Variants in TENM3 observed in about 807,000 individuals in gnomAD.
TENM3 encodes teneurin-3.
In TENM3, 63 loss-of-function variants were observed where a neutral mutation model predicts 255.1. The observed-to-expected ratio is 0.25, with a 90% CI of 0.20 to 0.30. The LOEUF is 0.30. Ranked by LOEUF, TENM3 falls within the 10% of genes least tolerant of loss-of-function variation. The pLI, the probability that TENM3 is intolerant of heterozygous loss-of-function variation, is 1.00. For missense variants in TENM3, 2,929 were observed against 3,461.1 expected (o/e 0.85, Z 3.86); for synonymous variants, 1,306 against 1,322.3 (o/e 0.99, Z 0.27).
Position 182,564,044 on chromosome 4 carries a change from C to T in TENM3, c.512-36880C>T, listed in dbSNP as rs572688593. The stretch of plus-strand genomic sequence containing the variant: ...TTTTACTAAAACATTGCTTGGATCA[C>T]GTCATCATAAAGACCTTAGGTTGGA... On this transcript the variant is annotated intron_variant, in intron 3 of 27. Transcript: ENST00000511685. Among the ~76,000 whole-genome samples the T allele has an allele frequency of 3.1e-4, 47 of 152,242 alleles. 1 individual carries two copies. The South Asian group carries it at 9.5e-3, about 31-fold the overall frequency.
chr4:181,532,955 T>A, the TENM3 span, among the ~76,000 whole-genome samples: 1 of 152,234 alleles, frequency 6.6e-6, no homozygotes, highest in Non-Finnish European at 1.5e-5. Flanking sequence ...TGTTTAAGAC[T>A]GTGAAATGTT....
At chr4:181,856,353 C>T in the TENM3 span, among the ~76,000 whole-genome samples, 1 of 152,106 alleles carries the variant, frequency 6.6e-6, no homozygotes, top group Admixed American at 6.5e-5. Flanking sequence ...TCGGTATTCC[C>T]CCCGGCTTCA....
At chr4:181,643,228 G>T in the TENM3 span, among the ~76,000 whole-genome samples, 1 of 152,046 alleles carries the variant, frequency 6.6e-6, no homozygotes, top group African/African-American at 2.4e-5. Flanking sequence ...GGTCCTTCAC[G>T]TTCCTTGTAA....
At chr4:182,307,173 G>T (rs1056504450) in intron 1 of TENM3, among the ~76,000 whole-genome samples, 11 of 152,188 alleles carry the variant, frequency 7.2e-5, no homozygotes, top group African/African-American at 2.7e-4. Context: ...TGTGAAGGGG[G>T]AGGAAAGTGG....
At chr4:182,480,690 A>G (rs1216424694) in intron 3 of TENM3, among the ~76,000 whole-genome samples, 1 of 152,080 alleles carries the variant, frequency 6.6e-6, no homozygotes, top group Non-Finnish European at 1.5e-5. Context: ...TGGTTGTATC[A>G]TTTTAATTTT....
At chr4:181,632,092 C>T in the TENM3 span, among the ~76,000 whole-genome samples, 20 of 152,036 alleles carry the variant, frequency 1.3e-4, no homozygotes, top group Admixed American at 1.0e-3. Flanking sequence ...AAAGAACTAC[C>T]GGAGACAGGG....
intron 1 of TENM3, among the ~76,000 whole-genome samples, chr4:182,191,256 A>G (rs539861554): frequency 5.9e-5 from 9 of 152,332 alleles, no homozygotes; most frequent in Middle Eastern, 6.8e-3. Flanking sequence ...GCTCTCTTTA[A>G]TATGAATCCA....
the TENM3 span, among the ~76,000 whole-genome samples, chr4:181,499,597 G>C: frequency 6.6e-6 from 1 of 152,052 alleles, no homozygotes; most frequent in Non-Finnish European, 1.5e-5. Flanking sequence ...AACTAGAAGG[G>C]GAGACTTAAA....
the TENM3 span, among the ~76,000 whole-genome samples, chr4:182,095,162 A>G: frequency 2.6e-5 from 4 of 152,304 alleles, no homozygotes; most frequent in South Asian, 8.3e-4. Context: ...TGATCCAGCA[A>G]TCGCACTGCT....
the TENM3 span, among the ~76,000 whole-genome samples, chr4:181,582,933 T>A: frequency 6.6e-6 from 1 of 152,146 alleles, no homozygotes; most frequent in Non-Finnish European, 1.5e-5. Flanking sequence ...ATTCTAGACA[T>A]GCTTATTTCT....
intron 3 of TENM3, among the ~76,000 whole-genome samples, chr4:182,497,880 A>G (rs1333232647): frequency 6.8e-6 from 1 of 146,466 alleles, no homozygotes; most frequent in East Asian, 2.0e-4. Flanking sequence ...ATATATATAT[A>G]TATCTCAACC....
chr4:182,265,476 C>T (rs1030766004), intron 1 of TENM3, among the ~76,000 whole-genome samples: 3 of 152,094 alleles, frequency 2.0e-5, no homozygotes, highest in South Asian at 2.1e-4. Flanking sequence ...TGTCTTCTCC[C>T]GTAGTGTTTC....
At chr4:182,039,832 T>G in the TENM3 span, among the ~76,000 whole-genome samples, 4 of 138,236 alleles carry the variant, frequency 2.9e-5, no homozygotes, top group Admixed American at 3.0e-4. Context: ...ATCAGTTAAA[T>G]AAATTAATAA....
At chr4:181,929,652 G>A in the TENM3 span, among the ~76,000 whole-genome samples, 2 of 151,876 alleles carry the variant, frequency 1.3e-5, no homozygotes, top group Non-Finnish European at 2.9e-5. Flanking sequence ...GGATATTCAG[G>A]ACTTGAACTC....
At chr4:182,621,679 AAATATAT>A (rs1561016133) in intron 4 of TENM3, among the ~76,000 whole-genome samples, 1 of 24,080 alleles carries the variant, frequency 4.2e-5, no homozygotes, top group Admixed American at 6.3e-4. Context: ...TATATATATA[AAATATAT>A]AATATATATT....
intron 1 of TENM3, among the ~76,000 whole-genome samples, chr4:182,201,054 A>G (rs1579691382): frequency 6.6e-6 from 1 of 151,842 alleles, no homozygotes; most frequent in East Asian, 1.9e-4. Flanking sequence ...CGAACTCCTG[A>G]CCTCAGGTGA....
chr4:182,510,688 C>T (rs988718895), intron 3 of TENM3, among the ~76,000 whole-genome samples: 6 of 152,148 alleles, frequency 3.9e-5, no homozygotes, highest in Non-Finnish European at 7.3e-5. Context: ...AGAGAATCTT[C>T]GACATGTATT....
intron 3 of TENM3, among the ~76,000 whole-genome samples, chr4:182,399,154 C>T (rs1238611080): frequency 6.6e-6 from 1 of 152,038 alleles, no homozygotes; most frequent in East Asian, 1.9e-4. Flanking sequence ...CTAAGTGGTA[C>T]CTAAAGGAAT....
At chr4:182,630,782 T>TA (rs999008211) in intron 5 of TENM3, among the ~76,000 whole-genome samples, 1 of 151,974 alleles carries the variant, frequency 6.6e-6, no homozygotes, top group African/African-American at 2.4e-5. Context: ...ATTTTTTTTT[T>TA]ACTAAATGGG....
Sources: allele counts gnomAD v4.1 joint callset (sites outside exome capture counted in the v4.1 genomes callset), GRCh38; gene constraint gnomAD v4.1.1; transcripts MANE v1.5; gene names NCBI Gene and HGNC (gene_info 2026-07-23, HGNC 2026-07-21).